The following LOC128706665 variants were observed in gnomAD, a reference collection of about 807,000 sequenced individuals.
chr20:10,417,161 G>C, the LOC128706665 span, among the ~76,000 whole-genome samples: 3 of 149,224 alleles, frequency 2.0e-5, no homozygotes, highest in African/African-American at 7.4e-5. Flanking sequence ...TGAAGCAGGA[G>C]AATCACTTCA....
the LOC128706665 span, among the ~76,000 whole-genome samples, chr20:10,431,096 GGGAAGTGCTCAA>G: frequency 6.6e-6 from 1 of 152,118 alleles, no homozygotes; most frequent in Non-Finnish European, 1.5e-5. Flanking sequence ...CCTAGCATGT[GGGAAGTGCTCAA>G]TACACGGCAG....
the LOC128706665 span, among the ~76,000 whole-genome samples, chr20:10,427,199 T>C: frequency 6.6e-6 from 1 of 152,158 alleles, no homozygotes; most frequent in African/African-American, 2.4e-5. Flanking sequence ...GTTTTTTTAA[T>C]TGCTTCCTGC....
chr20:10,419,001 C>G, the LOC128706665 span, among the ~76,000 whole-genome samples: 1 of 152,006 alleles, frequency 6.6e-6, no homozygotes, highest in Non-Finnish European at 1.5e-5. Flanking sequence ...TAATAATTGT[C>G]TAATATATTA....
the LOC128706665 span, among the ~76,000 whole-genome samples, chr20:10,423,060 T>C: frequency 6.6e-6 from 1 of 152,210 alleles, no homozygotes; most frequent in Non-Finnish European, 1.5e-5. Context: ...CACCATTTAC[T>C]TCTCCATGAT....
the LOC128706665 span, among the ~76,000 whole-genome samples, chr20:10,427,664 A>G: frequency 1.3e-5 from 2 of 152,252 alleles, no homozygotes; most frequent in Non-Finnish European, 2.9e-5. Context: ...GTGGTCTTCA[A>G]CTGTGCTATG....
chr20:10,433,217 G>A, the LOC128706665 span, among the ~76,000 whole-genome samples: 2 of 152,222 alleles, frequency 1.3e-5, no homozygotes, highest in Admixed American at 6.5e-5. Context: ...CGTTGGCCTG[G>A]CTGGCCCCAA....
At chr20:10,413,893 C>A in the LOC128706665 span, 2 of 421,814 alleles carry the variant, frequency 4.7e-6, no homozygotes, top group South Asian at 8.8e-5. Flanking sequence ...TTCATCTCTT[C>A]TTTCGATATG....
At chr20:10,429,454 C>T in the LOC128706665 span, among the ~76,000 whole-genome samples, 1 of 152,182 alleles carries the variant, frequency 6.6e-6, no homozygotes, top group Non-Finnish European at 1.5e-5. Context: ...CGTTCATCTC[C>T]AGCTTAGACC....
At chr20:10,424,184 T>C in the LOC128706665 span, among the ~76,000 whole-genome samples, 1 of 152,160 alleles carries the variant, frequency 6.6e-6, no homozygotes, top group Non-Finnish European at 1.5e-5. Context: ...CAAGATGGAA[T>C]TAGCACTTTA....
At chr20:10,418,326 C>T in the LOC128706665 span, among the ~76,000 whole-genome samples, 21,919 of 152,102 alleles carry the variant, frequency 0.14, 1,770 homozygotes, top group East Asian at 0.24. Flanking sequence ...GGCAAAAGGC[C>T]ATTAACTATT....
the LOC128706665 span, chr20:10,420,773 C>G: frequency 2.6e-5 from 4 of 152,180 alleles, no homozygotes; most frequent in Admixed American, 6.5e-5. Flanking sequence ...GAAAAGGTTA[C>G]AGTTAGAGGA....
chr20:10,423,230 G>C, the LOC128706665 span, among the ~76,000 whole-genome samples: 2 of 152,078 alleles, frequency 1.3e-5, no homozygotes, highest in Admixed American at 6.6e-5. Context: ...CTTGAGCCTA[G>C]GCAACGTGGC....
At chr20:10,423,755 T>C in the LOC128706665 span, among the ~76,000 whole-genome samples, 274 of 152,332 alleles carry the variant, frequency 1.8e-3, 7 homozygotes, top group South Asian at 0.046. Flanking sequence ...TCCATTAGGA[T>C]AACTTAAGGA....
the LOC128706665 span, among the ~76,000 whole-genome samples, chr20:10,421,102 G>C: frequency 6.7e-6 from 1 of 149,658 alleles, no homozygotes; most frequent in African/African-American, 2.5e-5. Context: ...CCACAATAGA[G>C]TAAGAGCCTT....
the LOC128706665 span, among the ~76,000 whole-genome samples, chr20:10,424,635 A>G: frequency 6.6e-6 from 1 of 152,226 alleles, no homozygotes; most frequent in African/African-American, 2.4e-5. Context: ...TTAGCGAGGT[A>G]ATGTGTTATT....
the LOC128706665 span, among the ~76,000 whole-genome samples, chr20:10,423,425 A>C: frequency 6.6e-6 from 1 of 152,174 alleles, no homozygotes; most frequent in East Asian, 1.9e-4. Context: ...GTTTCAAAAA[A>C]ACAAACCAAA....
At chr20:10,415,618 A>T in the LOC128706665 span, among the ~76,000 whole-genome samples, 8 of 152,240 alleles carry the variant, frequency 5.3e-5, 1 homozygote, top group Non-Finnish European at 1.2e-4. Context: ...CAGATTCAGC[A>T]AAATCTGAGA....
chr20:10,415,496 T>C, the LOC128706665 span, among the ~76,000 whole-genome samples: 1 of 152,170 alleles, frequency 6.6e-6, no homozygotes, highest in Non-Finnish European at 1.5e-5. Context: ...TCAGCTTTCT[T>C]CCTGTGGTGA....
At chr20:10,419,548 C>T in the LOC128706665 span, among the ~76,000 whole-genome samples, 10 of 152,250 alleles carry the variant, frequency 6.6e-5, no homozygotes, top group African/African-American at 1.7e-4. Flanking sequence ...CTACATATAG[C>T]ACTAAACCCT....
Sources: gnomAD v4.1 joint callset for allele counts (sites outside exome capture counted in the v4.1 genomes callset) on GRCh38, gnomAD v4.1.1 for gene constraint, MANE v1.5 for transcripts.